GPHN: variants seen among roughly 807,000 people sequenced by gnomAD.
GPHN encodes the protein gephyrin.
In GPHN, 17 loss-of-function variants were observed where a neutral mutation model predicts 95.5. The observed-to-expected ratio is 0.18, with a 90% CI of 0.12 to 0.27. The LOEUF (loss-of-function observed/expected upper bound fraction) is 0.27. Among genes scored for constraint, GPHN ranks in the 10% least tolerant of loss-of-function variants. The probability of loss-of-function intolerance (pLI) is 1.00; values close to 1 mark genes in which losing one functional copy is unlikely to be tolerated. For synonymous variants in GPHN, 320 were observed against 322.5 expected, an observed-to-expected ratio of 0.99 and a Z score of 0.08; for missense variants, 660 against 978.1, an observed-to-expected ratio of 0.67 and a Z score of 4.34.
intron 1 of GPHN, among the ~76,000 whole-genome samples, chr14:66,595,268 A>G (rs2061925642): frequency 1.3e-5 from 2 of 152,246 alleles, no homozygotes; most frequent in South Asian, 4.1e-4. Flanking sequence ...AAGTAGAACT[A>G]TCATGTCATC....
At chr14:66,601,120 G>T (rs10220648) in intron 1 of GPHN, among the ~76,000 whole-genome samples, 38,386 of 151,910 alleles carry the variant, frequency 0.25, 9,777 homozygotes, top group African/African-American at 0.62. Context: ...ATCAATGAGT[G>T]TTTGAGGACA....
the GPHN span, chr14:67,387,284 T>C: frequency 6.3e-7 from 1 of 1,577,966 alleles, no homozygotes; most frequent in Non-Finnish European, 8.6e-7. Flanking sequence ...CTCTTGTCTG[T>C]GTCATCTGGT....
intron 12 of GPHN, among the ~76,000 whole-genome samples, chr14:67,093,733 C>T (rs562846265): frequency 6.6e-6 from 1 of 152,176 alleles, no homozygotes; most frequent in East Asian, 1.9e-4. Context: ...CCCTGCGTTC[C>T]ATAGGAAAAG....
At chr14:66,679,880 T>C (rs1027021283) in intron 1 of GPHN, among the ~76,000 whole-genome samples, 6 of 152,216 alleles carry the variant, frequency 3.9e-5, no homozygotes, top group Non-Finnish European at 7.3e-5. Flanking sequence ...CTATATCATC[T>C]GTGGGTCTGT....
the GPHN span, among the ~76,000 whole-genome samples, chr14:67,373,067 A>T: frequency 6.6e-6 from 1 of 152,210 alleles, no homozygotes; most frequent in African/African-American, 2.4e-5. Flanking sequence ...GAGCAGTTCT[A>T]ACTGCTCCAC....
At chr14:66,882,816 G>C (rs2063991498) in intron 5 of GPHN, among the ~76,000 whole-genome samples, 1 of 150,042 alleles carries the variant, frequency 6.7e-6, no homozygotes, top group Non-Finnish European at 1.5e-5. Flanking sequence ...ATTTTCACTA[G>C]ATACAGAAAT....
At chr14:66,593,252 G>A (rs1338647085) in intron 1 of GPHN, among the ~76,000 whole-genome samples, 2 of 151,222 alleles carry the variant, frequency 1.3e-5, no homozygotes, top group Non-Finnish European at 1.5e-5. Flanking sequence ...GTATACCTAT[G>A]TAACAAACCT....
chr14:67,551,410 G>A, the GPHN span, among the ~76,000 whole-genome samples: 1 of 152,040 alleles, frequency 6.6e-6, no homozygotes, highest in Non-Finnish European at 1.5e-5. Context: ...ACTTTACATG[G>A]GGCAGCTTGT....
At chr14:66,849,553 G>A (rs1198477124) in intron 4 of GPHN, among the ~76,000 whole-genome samples, 1 of 151,758 alleles carries the variant, frequency 6.6e-6, no homozygotes, top group African/African-American at 2.4e-5. Flanking sequence ...AATCTGGTAG[G>A]TGAAAAATTG....
rs539851565 is a variant in GPHN, at chr14:67,110,717, AAG to A, written c.1413+461_1413+462del. ...GAATTTACTAGAGAAGAATTTAACA[AAG>A]AGCACTTGGGCAAGTTCTTGAATAT... On this transcript the variant is annotated intron_variant, in intron 14 of 22. Transcript: ENST00000478722. Among the ~76,000 whole-genome samples, 454 of 152,318 alleles carry A rather than the reference AAG, an allele frequency of 3.0e-3. 2 individuals carry two copies. The highest frequency in any genetic ancestry group is 3.5e-3 in the Non-Finnish European group (240 of 68,020).
At chr14:67,172,004 T>TC (rs1350279125) in intron 21 of GPHN, among the ~76,000 whole-genome samples, 1 of 151,834 alleles carries the variant, frequency 6.6e-6, no homozygotes, top group Non-Finnish European at 1.5e-5. Flanking sequence ...AGAGCTATGC[T>TC]CCCCCCAGTA....
At chr14:66,732,339 C>T (rs979189764) in intron 2 of GPHN, among the ~76,000 whole-genome samples, 1 of 152,228 alleles carries the variant, frequency 6.6e-6, no homozygotes, top group Non-Finnish European at 1.5e-5. Context: ...CCCATTGCAT[C>T]AGCGTACCCT....
At chr14:66,865,602 A>T (rs1300433659) in intron 4 of GPHN, among the ~76,000 whole-genome samples, 2 of 152,168 alleles carry the variant, frequency 1.3e-5, no homozygotes, top group African/African-American at 4.8e-5. Context: ...TTAGGTACAG[A>T]AGAAGCCTAT....
the GPHN span, chr14:67,397,868 G>C: frequency 1.3e-6 from 2 of 1,545,230 alleles, no homozygotes; most frequent in Non-Finnish European, 1.8e-6. Context: ...GCGGTCAGTG[G>C]GAGGGTATGG....
At chr14:67,424,785 C>G in the GPHN span, among the ~76,000 whole-genome samples, 1 of 152,066 alleles carries the variant, frequency 6.6e-6, no homozygotes, top group Admixed American at 6.6e-5. Context: ...GGGCTGCCCC[C>G]AGAGCCCCTT....
At chr14:66,961,923 TATATATATATATATATATATATATAC>T (rs910332039) in intron 8 of GPHN, among the ~76,000 whole-genome samples, 1 of 70,664 alleles carries the variant, frequency 1.4e-5, no homozygotes, top group Non-Finnish European at 2.3e-5. Context: ...TATATATATA[TATATATATATATATATATATATATAC>T]ACATATCTCC....
chr14:67,417,396 G>C, the GPHN span, among the ~76,000 whole-genome samples: 1 of 152,292 alleles, frequency 6.6e-6, no homozygotes, highest in East Asian at 1.9e-4. Flanking sequence ...GGTAGAAGGA[G>C]TGAGCATTGG....
At chr14:67,076,149 G>C (rs1012752346) in intron 11 of GPHN, among the ~76,000 whole-genome samples, 1 of 152,090 alleles carries the variant, frequency 6.6e-6, no homozygotes, top group South Asian at 2.1e-4. Flanking sequence ...CTACCACCCA[G>C]ATCAGTCAGC....
intron 1 of GPHN, among the ~76,000 whole-genome samples, chr14:66,550,387 G>A (rs1240775528): frequency 6.6e-6 from 1 of 152,198 alleles, no homozygotes; most frequent in Non-Finnish European, 1.5e-5. Flanking sequence ...TGACTGAATT[G>A]CTGCAGTCTC....
Sources: allele counts gnomAD v4.1 joint callset (sites outside exome capture counted in the v4.1 genomes callset), GRCh38; gene constraint gnomAD v4.1.1; transcripts MANE v1.5; gene names NCBI Gene and HGNC (gene_info 2026-07-23, HGNC 2026-07-21).